The following PPFIA2 variants were observed in gnomAD, a reference collection of about 807,000 sequenced individuals.
The protein encoded by PPFIA2 is liprin-alpha-2.
In PPFIA2, 46 loss-of-function variants were observed where a neutral mutation model predicts 175.5. The ratio of observed to expected loss-of-function variants is 0.26; its 90% CI spans 0.21 to 0.34. The LOEUF is 0.34. Ranked by LOEUF, PPFIA2 falls within the 10% of genes least tolerant of loss-of-function variation. The pLI is 1.00. For missense variants in PPFIA2, 1,179 were observed against 1,506.1 expected, an observed-to-expected ratio of 0.78 and a Z score of 3.60; for synonymous variants, 568 against 511.4, an observed-to-expected ratio of 1.11 and a Z score of -1.49.
intron 5 of PPFIA2, among the ~76,000 whole-genome samples, chr12:81,449,940 T>G (rs1409425025): frequency 1.3e-5 from 2 of 152,096 alleles, no homozygotes; most frequent in Non-Finnish European, 2.9e-5. Flanking sequence ...GTTTCCAGCT[T>G]CATCCATGTC....
chr12:81,665,513 C>T (rs2070011657), intron 4 of PPFIA2, among the ~76,000 whole-genome samples: 1 of 151,966 alleles, frequency 6.6e-6, no homozygotes, highest in South Asian at 2.1e-4. Flanking sequence ...TGGAAAACTA[C>T]ATTTGCATGT....
chr12:81,365,956 C>A lies in PPFIA2; in HGVS notation c.1545+1152G>T, dbSNP rs200020630. ...ATCTTTTCCAATACCTTCTATATCC[C>A]ATACTATCCCTCCCTCCCTCCCTCC... On this transcript the variant is annotated intron_variant, in intron 14 of 32. Transcript: ENST00000549396. Among the ~76,000 whole-genome samples, 13 of 147,260 alleles carry A rather than the reference C, an allele frequency of 8.8e-5. No individual in the cohort carries two copies. The East Asian group carries it at 2.6e-3, about 30-fold the overall frequency.
At chr12:81,270,092 G>A (rs1321652609) in intron 28 of PPFIA2, among the ~76,000 whole-genome samples, 1 of 152,100 alleles carries the variant, frequency 6.6e-6, no homozygotes, top group Non-Finnish European at 1.5e-5. Flanking sequence ...AATAAATAGT[G>A]CTGCTTTGAA....
chr12:81,753,879 T>C, intron 3 of PPFIA2, 94 bp downstream of exon 3: 4 of 1,452,680 alleles, frequency 2.8e-6, no homozygotes, highest in Non-Finnish European at 3.7e-6. Flanking sequence ...ATCACATATG[T>C]TAAGTGGAAA....
intron 4 of PPFIA2, among the ~76,000 whole-genome samples, chr12:81,647,364 CA>C (rs2066270158): frequency 2.0e-5 from 3 of 151,834 alleles, no homozygotes; most frequent in South Asian, 4.2e-4. Context: ...ATATATTTTC[CA>C]AAAATAATGA....
chr12:81,641,606 A>G (rs2064980388), intron 4 of PPFIA2, among the ~76,000 whole-genome samples: 2 of 152,112 alleles, frequency 1.3e-5, no homozygotes, highest in African/African-American at 4.8e-5. Flanking sequence ...TGGGGGATGA[A>G]GGACCCCACA....
At chr12:81,464,443 T>C (rs2055206360) in intron 4 of PPFIA2, among the ~76,000 whole-genome samples, 1 of 152,128 alleles carries the variant, frequency 6.6e-6, no homozygotes, top group South Asian at 2.1e-4. Flanking sequence ...AAAGATAAGC[T>C]GTCTTGTATC....
intron 8 of PPFIA2, among the ~76,000 whole-genome samples, chr12:81,391,350 C>T (rs2142246978): frequency 6.6e-6 from 1 of 151,852 alleles, no homozygotes; most frequent in East Asian, 1.9e-4. Context: ...GTCCTGTATG[C>T]AGAGCAGAAA....
intron 7 of PPFIA2, among the ~76,000 whole-genome samples, chr12:81,420,255 G>A (rs980984466): frequency 6.6e-6 from 1 of 152,058 alleles, no homozygotes. Context: ...AGACATCAAT[G>A]CATGTCTATG....
At chr12:81,419,050 T>C (rs979585612) in intron 7 of PPFIA2, among the ~76,000 whole-genome samples, 4 of 152,170 alleles carry the variant, frequency 2.6e-5, no homozygotes, top group East Asian at 3.9e-4. Context: ...TTTATCAGTA[T>C]ATAAAAATAG....
At chr12:81,626,204 A>G (rs780799269) in intron 4 of PPFIA2, among the ~76,000 whole-genome samples, 1 of 151,762 alleles carries the variant, frequency 6.6e-6, no homozygotes, top group Non-Finnish European at 1.5e-5. Flanking sequence ...GAGGATTCAT[A>G]CTAGGTTAAA....
intron 24 of PPFIA2, among the ~76,000 whole-genome samples, chr12:81,293,270 A>G (rs1230838657): frequency 1.3e-5 from 2 of 152,000 alleles, no homozygotes. Context: ...ATAATTAAAT[A>G]CTATTTGGGA....
At chr12:81,574,512 C>T (rs1567401453) in intron 4 of PPFIA2, among the ~76,000 whole-genome samples, 1 of 151,450 alleles carries the variant, frequency 6.6e-6, no homozygotes, top group Non-Finnish European at 1.5e-5. Context: ...CTATGTTCAC[C>T]ATCCCTGGTG....
At chr12:81,533,862 A>T (rs1377989815) in intron 4 of PPFIA2, among the ~76,000 whole-genome samples, 1 of 151,214 alleles carries the variant, frequency 6.6e-6, no homozygotes, top group Non-Finnish European at 1.5e-5. Context: ...CATCCTAGTA[A>T]ATTTGCACAA....
At chr12:81,531,161 C>A (rs2064490586) in intron 4 of PPFIA2, among the ~76,000 whole-genome samples, 1 of 151,836 alleles carries the variant, frequency 6.6e-6, no homozygotes. Flanking sequence ...TACTTATTCC[C>A]AGCGAATAGA....
intron 24 of PPFIA2, among the ~76,000 whole-genome samples, chr12:81,293,740 C>A (rs746001599): frequency 6.6e-6 from 1 of 152,034 alleles, no homozygotes; most frequent in African/African-American, 2.4e-5. Context: ...GGAGATTTCT[C>A]AAAGAACTAA....
chr12:81,576,358 A>G (rs1481834695), intron 4 of PPFIA2, among the ~76,000 whole-genome samples: 1 of 151,758 alleles, frequency 6.6e-6, no homozygotes, highest in Non-Finnish European at 1.5e-5. Flanking sequence ...CTCACTTGCA[A>G]CTGAACTTGA....
chr12:81,578,551 G>C (rs995658339), intron 4 of PPFIA2, among the ~76,000 whole-genome samples: 1 of 151,664 alleles, frequency 6.6e-6, no homozygotes, highest in Non-Finnish European at 1.5e-5. Flanking sequence ...TATTTAAAAA[G>C]TTTCATGACG....
chr12:81,508,180 T>C (rs567788145), intron 4 of PPFIA2, among the ~76,000 whole-genome samples: 13 of 152,200 alleles, frequency 8.5e-5, no homozygotes, highest in African/African-American at 2.6e-4. Context: ...AAATACTATA[T>C]TCCTCGTGTA....
Sources: allele counts gnomAD v4.1 joint callset (sites outside exome capture counted in the v4.1 genomes callset), GRCh38; gene constraint gnomAD v4.1.1; transcripts MANE v1.5; gene names NCBI Gene and HGNC (gene_info 2026-07-23, HGNC 2026-07-21).